CDC42EP1: variants seen among roughly 807,000 people sequenced by gnomAD.
CDC42EP1 encodes CDC42 effector protein 1.
In CDC42EP1, 6 loss-of-function variants were observed where a neutral mutation model predicts 7.4. That is an observed-to-expected ratio of 0.81 (90% CI 0.44 to 1.60). The LOEUF (loss-of-function observed/expected upper bound fraction) is 1.60, where lower values mean the gene tolerates loss of function less well. Among genes scored for constraint, CDC42EP1 ranks in the 40% most tolerant of loss-of-function variants. The pLI is 0.01. For synonymous variants in CDC42EP1, 238 were observed against 227.1 expected (o/e 1.05, Z -0.43); for missense variants, 567 against 539.0 (o/e 1.05, Z -0.51).
intron 1 of CDC42EP1, among the ~76,000 whole-genome samples, chr22:37,564,141 C>A (rs1018270279): frequency 6.6e-6 from 1 of 151,862 alleles, no homozygotes; most frequent in Admixed American, 6.6e-5. Context: ...ACAGGAAAAG[C>A]ATAGGATCAC....
At position 37,568,965 on chromosome 22, in the gene CDC42EP1, G is replaced by C; in HGVS notation, c.*145G>C. 3.9e-6 allele frequency: 2 copies of C among 506,408 alleles called. No individual in the cohort carries two copies. The highest frequency in any genetic ancestry group is 6.5e-6 in the Non-Finnish European group (2 of 307,398). The allele number at this position is 506,408 out of a possible 1,614,324, so 31.4% of individuals were successfully genotyped here. Reference sequence around the variant, plus strand: ...TCTGCAGGACAGACATGGGAGGGAGGACAGGGAAGGCCAGGCTTGCTCTGG... The same window carrying C: ...TCTGCAGGACAGACATGGGAGGGAGCACAGGGAAGGCCAGGCTTGCTCTGG... On this transcript the variant is annotated 3_prime_UTR_variant, in exon 3 of 3. Transcript: ENST00000249014.
At chr22:37,564,782 G>A (rs982655115) in intron 1 of CDC42EP1, among the ~76,000 whole-genome samples, 1 of 152,086 alleles carries the variant, frequency 6.6e-6, no homozygotes, top group Non-Finnish European at 1.5e-5. Flanking sequence ...TGTTTTTGTT[G>A]TTGTTGTTGT....
intron 2 of CDC42EP1, 29 bp from the exon 3 acceptor site, chr22:37,568,079 T>C: frequency 6.3e-7 from 1 of 1,577,466 alleles, no homozygotes; most frequent in East Asian, 2.2e-5. Context: ...GGACCCCAGC[T>C]CTGAGCCCAC....
chr22:37,561,528 GAAC>G (rs947238973), intron 1 of CDC42EP1, among the ~76,000 whole-genome samples: 25 of 152,234 alleles, frequency 1.6e-4, no homozygotes, highest in Non-Finnish European at 2.6e-4. Flanking sequence ...GCGCGACTGC[GAAC>G]AACTAGCTAC....
At chr22:37,564,250 G>T (rs1039533489) in intron 1 of CDC42EP1, among the ~76,000 whole-genome samples, 3 of 151,928 alleles carry the variant, frequency 2.0e-5, no homozygotes, top group Non-Finnish European at 4.4e-5. Flanking sequence ...GTGTGTGTGT[G>T]TATGGTGGGG....
chr22:37,566,931 C>A lies in CDC42EP1; in HGVS notation c.463+119C>A, dbSNP rs1925270610. 1.5e-6 allele frequency: 1 copy of A among 661,854 alleles called. No homozygotes were observed. Among genetic ancestry groups the A allele is most frequent in the Non-Finnish European group, 2.4e-6 (1 of 414,696 alleles). The allele number at this position is 661,854 out of a possible 1,614,324, so 41.0% of individuals were successfully genotyped here. A position where few individuals can be genotyped will look rare whatever the true frequency, so the allele number is the denominator to read the frequency against. The stretch of plus-strand genomic sequence containing the variant: ...AGTGACCACAGAGGTCAGGCCCAGA[C>A]CCCACATCATGGATGGGGAGGGGGT... On this transcript the variant is annotated intron_variant, in intron 2 of 2. Transcript: ENST00000249014. The surrounding 1 kb of genome is among the most constrained non-coding windows in gnomAD (Gnocchi z 6.4).
At chr22:37,561,383 C>T (rs1162762589) in intron 1 of CDC42EP1, among the ~76,000 whole-genome samples, 1 of 152,244 alleles carries the variant, frequency 6.6e-6, no homozygotes, top group African/African-American at 2.4e-5. Flanking sequence ...GCAGCCGCTC[C>T]GTCTCGCTCG....
intron 1 of CDC42EP1, among the ~76,000 whole-genome samples, chr22:37,560,834 C>T (rs1925008253): frequency 6.6e-6 from 1 of 151,914 alleles, no homozygotes; most frequent in African/African-American, 2.4e-5. Flanking sequence ...GGATCGGACA[C>T]GGCTGAGCGG....
At position 37,568,218 on chromosome 22, in the gene CDC42EP1, T is replaced by C. The variant is rs1384923183; in HGVS notation, c.574T>C (p.Ser192Pro). The C allele has an allele frequency of 2.5e-6, 4 of 1,613,610 alleles. No homozygotes were observed. Among genetic ancestry groups the C allele is most frequent in the Non-Finnish European group, 3.4e-6 (4 of 1,179,926 alleles). The stretch of plus-strand genomic sequence containing the variant: ...TGAGCCCGGGCTTCGCCGCTCTGAC[T>C]CTCTCTTGTCCTTCCGCCTGGACCT... ...PSEPGLRRSD[S>P]LLSFRLDLDL... The change falls in exon 3 of 3, where the codon TCT (serine) becomes CCT (proline). Residue 192 changes from serine (S) to proline (P), a missense_variant. Ser to Pro is a moderately conservative substitution (Grantham distance 74). Transcript: ENST00000249014.
At position 37,568,107 on chromosome 22, in the gene CDC42EP1, G is replaced by T. The variant is rs1379972724; in HGVS notation, c.464-1G>T. ...GAGCCCACTGCCCATTTCTCTTCTA[G>T]GCCTGGACTCTGGGTTCTGCACCAT... On this transcript the variant is annotated splice_acceptor_variant, in intron 2 of 2. Coordinates refer to ENST00000249014, the MANE Select transcript of CDC42EP1 (RefSeq NM_152243.3). LOFTEE classifies it high-confidence loss of function. 1.6e-5 allele frequency: 25 copies of T among 1,609,208 alleles called. No homozygotes were observed. Among genetic ancestry groups the T allele is most frequent in the Non-Finnish European group, 2.0e-5 (23 of 1,177,146 alleles).
rs1047273444 is a variant in CDC42EP1, at chr22:37,569,074, C to T, written c.*254C>T. 8 of 343,416 alleles carry T rather than the reference C, an allele frequency of 2.3e-5. No homozygotes were observed. The Admixed American group carries it at 3.3e-4, about 14-fold the overall frequency. 21.3% of individuals were successfully genotyped at this position (343,416 alleles called of 1,614,324 possible). A position where few individuals can be genotyped will look rare whatever the true frequency, so the allele number is the denominator to read the frequency against. The stretch of plus-strand genomic sequence containing the variant: ...GACCTAATAGCTGTTCCTTAGGCCC[C>T]ACTCCATGCCACCCCCACCAGCTGG... On this transcript the variant is annotated 3_prime_UTR_variant, in exon 3 of 3. Coordinates refer to ENST00000249014, the MANE Select transcript of CDC42EP1 (RefSeq NM_152243.3).
Position 37,566,401 on chromosome 22 carries a change from C to T in CDC42EP1, c.52C>T (p.Leu18Phe), listed in dbSNP as rs761766893. The change falls in exon 2 of 3, where the codon CTC (leucine) becomes TTC (phenylalanine). Residue 18 changes from leucine (L) to phenylalanine (F), a missense_variant. Coordinates refer to ENST00000249014, the MANE Select transcript of CDC42EP1 (RefSeq NM_152243.3). This position sits in a 1 kb window ranked among gnomAD's most constrained non-coding sequence, Gnocchi z 6.4. ...RGAATMSLGK[L>F]SPVGWVSSSQ... ...CGCCGCCACCATGAGCCTGGGCAAG[C>T]TCTCGCCTGTGGGCTGGGTGTCCAG... 3.1e-6 allele frequency: 5 copies of T among 1,595,164 alleles called. No homozygotes were observed. Among genetic ancestry groups the T allele is most frequent in the Non-Finnish European group, 3.4e-6 (4 of 1,169,836 alleles).
In CDC42EP1 at chr22:37,566,895, A is replaced by G. The variant is rs536666652; in HGVS notation, c.463+83A>G. The G allele has an allele frequency of 1.9e-6, 2 of 1,053,020 alleles. No homozygotes were observed. The highest frequency in any genetic ancestry group is 1.6e-5 in the South Asian group (1 of 61,482). 65.2% of individuals were successfully genotyped at this position (1,053,020 alleles called of 1,614,324 possible). ...GGTTCAGTGGCTCCTCCAAGCTCCA[A>G]GTGAGCTCCAAGTGACCACAGAGGT... On this transcript the variant is annotated intron_variant, in intron 2 of 2. Transcript: ENST00000249014. This position sits in a 1 kb window ranked among gnomAD's most constrained non-coding sequence, Gnocchi z 6.4.
chr22:37,562,122 G>A (rs1005806050), intron 1 of CDC42EP1, among the ~76,000 whole-genome samples: 4 of 152,176 alleles, frequency 2.6e-5, no homozygotes, highest in East Asian at 1.9e-4. Context: ...ACCCCACACC[G>A]GGCTCAGCAC....
intron 1 of CDC42EP1, among the ~76,000 whole-genome samples, chr22:37,561,970 A>G (rs1296988646): frequency 1.3e-5 from 2 of 152,226 alleles, no homozygotes; most frequent in African/African-American, 4.8e-5. Flanking sequence ...AGCTCAGGCC[A>G]TGTGCCCAGG....
Position 37,568,445 on chromosome 22 carries a change from G to C in CDC42EP1, c.801G>C (p.Thr267=), listed in dbSNP as rs776609121. The C allele has an allele frequency of 5.7e-6, 9 of 1,581,110 alleles. No individual in the cohort carries two copies. Among genetic ancestry groups the C allele is most frequent in the Non-Finnish European group, 7.8e-6 (9 of 1,160,442 alleles). Reference sequence around the variant, plus strand: ...CCTCAGCACCTGCCGCAACCCCCACGGGTCCTGCTGCAAATCCCCCAGCCC... The same window carrying C: ...CCTCAGCACCTGCCGCAACCCCCACCGGTCCTGCTGCAAATCCCCCAGCCC... The part of the protein sequence containing the change: ...ANPSAPAATP[T]GPAANPPAPA... The change falls in exon 3 of 3, where the codon ACG becomes ACC. Residue 267 remains threonine, a synonymous_variant. Coordinates refer to ENST00000249014, the MANE Select transcript of CDC42EP1 (RefSeq NM_152243.3).
At chr22:37,564,515 C>G (rs1231339335) in intron 1 of CDC42EP1, 1 of 152,282 alleles carries the variant, frequency 6.6e-6, no homozygotes, top group Non-Finnish European at 1.5e-5. Context: ...AACCTCTGCT[C>G]TGGCTGTTTA....
chr22:37,566,168 C>A lies in CDC42EP1; in HGVS notation c.-182C>A, dbSNP rs1351013090. 1.8e-5 allele frequency: 8 copies of A among 455,988 alleles called. No individual in the cohort carries two copies. The East Asian group carries it at 2.8e-4, about 16-fold the overall frequency. 28.2% of individuals were successfully genotyped at this position (455,988 alleles called of 1,614,324 possible). On this transcript the variant is annotated 5_prime_UTR_variant, in exon 2 of 3. Coordinates refer to ENST00000249014, the MANE Select transcript of CDC42EP1 (RefSeq NM_152243.3). This position sits in a 1 kb window ranked among gnomAD's most constrained non-coding sequence, Gnocchi z 6.4. ...TGCTTCTGAGGGGCTGGGAGCCGGG[C>A]CCCTGGGAGAGACGAGCCATGAACC...
Position 37,560,578 on chromosome 22 carries a change from C to T in CDC42EP1, c.-289C>T, listed in dbSNP as rs986745222. On this transcript the variant is annotated 5_prime_UTR_variant, in exon 1 of 3. Coordinates refer to ENST00000249014, the MANE Select transcript of CDC42EP1 (RefSeq NM_152243.3). ...GCCCTCGTCCCGCGCCCCCGGGGCT[C>T]GCGGAGCCAGGTAACAGCCCGGGCG... The T allele has an allele frequency of 4.7e-5, 7 of 150,322 alleles. No individual in the cohort carries two copies. Among genetic ancestry groups the T allele is most frequent in the African/African-American group, 1.7e-4 (7 of 41,208 alleles). The allele number at this position is 150,322 out of a possible 1,614,324, so 9.3% of individuals were successfully genotyped here.
Sources: allele counts gnomAD v4.1 joint callset (sites outside exome capture counted in the v4.1 genomes callset), GRCh38; gene constraint gnomAD v4.1.1; non-coding constraint Gnocchi (gnomAD v3.1); transcripts MANE v1.5; gene names NCBI Gene and HGNC (gene_info 2026-07-23, HGNC 2026-07-21).